The following KCNJ13 variants were observed in gnomAD, a reference collection of about 807,000 sequenced individuals.
KCNJ13 encodes the protein potassium inwardly rectifying channel subfamily J member 13, also known as inward rectifier potassium channel 13.
KCNJ13 carries 9 observed loss-of-function variants against 24.6 expected under a neutral mutation model. The ratio of observed to expected loss-of-function variants is 0.37; its 90% CI spans 0.22 to 0.64. The LOEUF (loss-of-function observed/expected upper bound fraction) is 0.64. Ranked by LOEUF, KCNJ13 falls within the 30% of genes least tolerant of loss-of-function variation. KCNJ13 has a pLI of 0.64. For synonymous variants in KCNJ13, 148 were observed against 154.7 expected (o/e 0.96, Z 0.32); for missense variants, 337 against 443.8 (o/e 0.76, Z 2.16).
intron 1 of KCNJ13, 164 bp from the exon 2 acceptor site, chr2:232,771,542 T>C: frequency 3.7e-6 from 2 of 537,412 alleles, no homozygotes; most frequent in Admixed American, 6.6e-5. Context: ...TACTAAGTCA[T>C]TCATTTGGGA....
Position 232,767,908 on chromosome 2 carries a change from G to C in KCNJ13, c.*283C>G. 4.9e-6 allele frequency: 2 copies of C among 406,500 alleles called. No homozygotes were observed. The highest frequency in any genetic ancestry group is 9.1e-6 in the Non-Finnish European group (2 of 219,716). The allele number at this position is 406,500 out of a possible 1,614,324, so 25.2% of individuals were successfully genotyped here. A position where few individuals can be genotyped will look rare whatever the true frequency, so the allele number is the denominator to read the frequency against. On this transcript the variant is annotated 3_prime_UTR_variant, in exon 3 of 3. Coordinates refer to ENST00000233826, the MANE Select transcript of KCNJ13 (RefSeq NM_002242.4). ...ACTGTCCATTTTGCCTTCATTACTA[G>C]TATCATACCACATTCTTATAAATTC...
chr2:232,767,510 T>A lies in KCNJ13; in HGVS notation c.*681A>T, dbSNP rs1699023613. On this transcript the variant is annotated 3_prime_UTR_variant, in exon 3 of 3. Transcript: ENST00000233826. ...CAAAATACCACCCCACAGGTTCCAT[T>A]TGGGCTGGAGCTTATCTGATCACCT... The A allele has an allele frequency of 6.5e-6, 1 of 152,674 alleles. No individual in the cohort carries two copies. The highest frequency in any genetic ancestry group is 2.4e-5 in the African/African-American group (1 of 41,448). The allele number at this position is 152,674 out of a possible 1,614,324, so 9.5% of individuals were successfully genotyped here.
At chr2:232,774,599 T>G (rs1446308) in intron 1 of KCNJ13, among the ~76,000 whole-genome samples, 1 of 151,960 alleles carries the variant, frequency 6.6e-6, no homozygotes, top group Non-Finnish European at 1.5e-5. Context: ...GGAAGAAGGA[T>G]ATAACAATGA....
At position 232,771,057 on chromosome 2, in the gene KCNJ13, A is replaced by C; in HGVS notation, c.306T>G (p.Tyr102Ter). The change falls in exon 2 of 3, where the codon TAT (tyrosine) becomes TAG (stop). Residue 102 changes from tyrosine (Y) to a stop codon, truncating the protein, a stop_gained. Coordinates refer to ENST00000233826, the MANE Select transcript of KCNJ13 (RefSeq NM_002242.4). LOFTEE classifies it high-confidence loss of function. ...PPENHTICVK[Y>*]ITSFTAAFSF... ...AGAATGCAGCTGTGAAACTGGTGAT[A>C]TACTTGACACAGATAGTGTGGTTTT... 6.2e-7 allele frequency: 1 copy of C among 1,614,120 alleles called. No individual in the cohort carries two copies. The highest frequency in any genetic ancestry group is 8.5e-7 in the Non-Finnish European group (1 of 1,179,998).
Position 232,766,664 on chromosome 2 carries a change from ATTC to A in KCNJ13, c.*1524_*1526del, listed in dbSNP as rs1386607178. The A allele has an allele frequency of 1.3e-5, 2 of 152,316 alleles. No individual in the cohort carries two copies. Among genetic ancestry groups the A allele is most frequent in the South Asian group, 2.1e-4 (1 of 4,832 alleles). The allele number at this position is 152,316 out of a possible 1,614,324, so 9.4% of individuals were successfully genotyped here. A position where few individuals can be genotyped will look rare whatever the true frequency, so the allele number is the denominator to read the frequency against. The stretch of plus-strand genomic sequence containing the variant: ...ATAATTAAGTTTCTGTGTTCTTGAT[ATTC>A]TTCTGCTATTATCAGTCTTAGACCA... On this transcript the variant is annotated 3_prime_UTR_variant, in exon 3 of 3. Transcript: ENST00000233826.
chr2:232,776,317 A>G (rs964731046), intron 1 of KCNJ13, 128 bp downstream of exon 1: 3 of 676,808 alleles, frequency 4.4e-6, no homozygotes, highest in African/African-American at 3.6e-5. Context: ...TTACTATCCT[A>G]CACTATAGAT....
Position 232,771,093 on chromosome 2 carries a change from A to C in KCNJ13, c.270T>G (p.Asp90Glu), listed in dbSNP as rs907341776. The change falls in exon 2 of 3, where the codon GAT becomes GAG. Residue 90 changes from aspartate to glutamate, a missense_variant. By Grantham distance (45) the Asp-to-Glu change is conservative (BLOSUM62 2). Around this residue, in one of 3 missense-constraint regions of KCNJ13, gnomAD observed 101 missense variants for 139.2 expected, o/e 0.73. Transcript: ENST00000233826. ...EMNGDLELDH[D>E]APPENHTICV... The stretch of plus-strand genomic sequence containing the variant: ...AGATAGTGTGGTTTTCAGGTGGGGC[A>C]TCATGATCTAGTTCCAGATCACCAT... 6.2e-7 allele frequency: 1 copy of C among 1,614,154 alleles called. No individual in the cohort carries two copies. The highest frequency in any genetic ancestry group is 1.3e-5 in the African/African-American group (1 of 75,046).
intron 1 of KCNJ13, 137 bp from the exon 2 acceptor site, chr2:232,771,515 T>G (rs1699245488): frequency 1.8e-6 from 1 of 568,848 alleles, no homozygotes; most frequent in African/African-American, 1.9e-5. Context: ...GCTTTTCTCT[T>G]CACGTTAGAT....
At chr2:232,776,084 T>C (rs1422342856) in intron 1 of KCNJ13, among the ~76,000 whole-genome samples, 1 of 152,194 alleles carries the variant, frequency 6.6e-6, no homozygotes, top group Admixed American at 6.5e-5. Context: ...GGCATTTGTT[T>C]TTTTATGCTC....
rs1699025743 is a variant in KCNJ13, at chr2:232,767,556, A to ATATATG, written c.*629_*634dup. 6.5e-6 allele frequency: 1 copy of ATATATG among 153,264 alleles called. No homozygotes were observed. The highest frequency in any genetic ancestry group is 2.1e-4 in the South Asian group (1 of 4,850). The allele number at this position is 153,264 out of a possible 1,614,324, so 9.5% of individuals were successfully genotyped here. A position where few individuals can be genotyped will look rare whatever the true frequency, so the allele number is the denominator to read the frequency against. On this transcript the variant is annotated 3_prime_UTR_variant, in exon 3 of 3. Coordinates refer to ENST00000233826, the MANE Select transcript of KCNJ13 (RefSeq NM_002242.4). ...CACCTTCTGCCACAAATAAGTGAAC[A>ATATATG]TATATGTATGTGTTCGGGTGTCATG...
chr2:232,769,685 A>C (rs1427605435), intron 2 of KCNJ13, among the ~76,000 whole-genome samples: 1 of 152,068 alleles, frequency 6.6e-6, no homozygotes, highest in Non-Finnish European at 1.5e-5. Context: ...AGAGTTTCTT[A>C]ATCAGTTTTG....
At chr2:232,768,859 T>C in intron 2 of KCNJ13, 46 bp from the exon 3 acceptor site, 5 of 1,493,538 alleles carry the variant, frequency 3.3e-6, no homozygotes, top group Non-Finnish European at 4.6e-6. Flanking sequence ...AGACTTTAAA[T>C]ATCAATACTT....
chr2:232,768,321 A>G lies in KCNJ13; in HGVS notation c.953T>C (p.Phe318Ser), dbSNP rs1201013667. The part of the protein sequence containing the change: ...KGEYQIKMEN[F>S]DKTVPEFPTP... ...TGGAAATTCAGGGACAGTCTTGTCA[A>G]AATTCTCCATCTTGATTTGATATTC... The change falls in exon 3 of 3, where the codon TTT becomes TCT. Residue 318 changes from phenylalanine (F) to serine (S), a missense_variant. Phe to Ser is a radical substitution (Grantham distance 155). Around this residue, in one of 3 missense-constraint regions of KCNJ13, gnomAD observed 235 missense variants for 286.9 expected, o/e 0.82. Coordinates refer to ENST00000233826, the MANE Select transcript of KCNJ13 (RefSeq NM_002242.4). The G allele has an allele frequency of 1.9e-6, 3 of 1,614,204 alleles. No individual in the cohort carries two copies. The highest frequency in any genetic ancestry group is 3.3e-5 in the Admixed American group (2 of 60,016).
chr2:232,768,146 C>A lies in KCNJ13; in HGVS notation c.*45G>T. On this transcript the variant is annotated 3_prime_UTR_variant, in exon 3 of 3. Transcript: ENST00000233826. Reference sequence around the variant, plus strand: ...AGATACAGTAAAGAAAAAGTAGCTGCATAACTGGCTGGGTGTATTTAATAC... The same window carrying A: ...AGATACAGTAAAGAAAAAGTAGCTGAATAACTGGCTGGGTGTATTTAATAC... The A allele has an allele frequency of 6.3e-7, 1 of 1,595,252 alleles. No homozygotes were observed. The highest frequency in any genetic ancestry group is 8.6e-7 in the Non-Finnish European group (1 of 1,164,210).
chr2:232,771,349 T>G lies in KCNJ13; in HGVS notation c.14A>C (p.Asn5Thr). ...TAGGAGAGGAGCAATAACTTTGCAA[T>G]TACTGCTGTCCATCTCAGGCTGTAT... MDSSNCKVIAPLLSQ... is the reference protein window; with the variant it reads MDSSTCKVIAPLLSQ... The change falls in exon 2 of 3, where the codon AAT becomes ACT. Residue 5 changes from asparagine to threonine, a missense_variant. Asn to Thr is a moderately conservative substitution (Grantham distance 65). Around this residue, in one of 3 missense-constraint regions of KCNJ13, gnomAD observed 101 missense variants for 139.2 expected, o/e 0.73. Coordinates refer to ENST00000233826, the MANE Select transcript of KCNJ13 (RefSeq NM_002242.4). 6.2e-7 allele frequency: 1 copy of G among 1,612,238 alleles called. No individual in the cohort carries two copies. Among genetic ancestry groups the G allele is most frequent in the Non-Finnish European group, 8.5e-7 (1 of 1,178,744 alleles).
chr2:232,775,184 T>C (rs1472995480), intron 1 of KCNJ13, among the ~76,000 whole-genome samples: 1 of 152,102 alleles, frequency 6.6e-6, no homozygotes, highest in Non-Finnish European at 1.5e-5. Context: ...TGAATAACTA[T>C]TCTGTGGACT....
intron 2 of KCNJ13, among the ~76,000 whole-genome samples, chr2:232,769,903 C>G (rs1055831019): frequency 3.9e-5 from 6 of 152,148 alleles, no homozygotes; most frequent in African/African-American, 1.4e-4. Context: ...CTGTGATTTT[C>G]AAGTATTCTG....
rs79135648 is a variant in KCNJ13 at position 232,774,895 on chromosome 2, A to G, written c.-17+1550T>C. Among the ~76,000 whole-genome samples the G allele has an allele frequency of 7.2e-3, 1,095 of 152,230 alleles. 15 individuals are homozygous for G. Among genetic ancestry groups the G allele is most frequent in the African/African-American group, 0.024 (1,006 of 41,536 alleles). ...TAGACTGTAGCTAACAAAATTCATC[A>G]TTCTCATTTGGGCTTTTTCAGGACT... is the stretch of plus-strand genomic sequence containing the variant. On this transcript the variant is annotated intron_variant, in intron 1 of 2. Transcript: ENST00000233826.
intron 2 of KCNJ13, among the ~76,000 whole-genome samples, chr2:232,770,493 A>T (rs1189775213): frequency 6.6e-6 from 1 of 152,236 alleles, no homozygotes; most frequent in Non-Finnish European, 1.5e-5. Flanking sequence ...GAAGAAAAAA[A>T]ACCAAATTCT....
Sources: allele counts gnomAD v4.1 joint callset (sites outside exome capture counted in the v4.1 genomes callset), GRCh38; gene constraint gnomAD v4.1.1; regional missense constraint gnomAD v4.1.1; transcripts MANE v1.5; gene names NCBI Gene and HGNC (gene_info 2026-07-23, HGNC 2026-07-21).